Variants in FAM114A2 observed in about 807,000 individuals in gnomAD.
The protein encoded by FAM114A2 is protein FAM114A2.
Under a neutral mutation model 58.4 loss-of-function variants are expected in FAM114A2, and 53 were observed. The ratio of observed to expected loss-of-function variants is 0.91; its 90% confidence interval spans 0.73 to 1.14. The LOEUF (loss-of-function observed/expected upper bound fraction) is 1.14. Ranked by LOEUF, FAM114A2 falls within the 50% of genes most tolerant of loss-of-function variation. FAM114A2 has a pLI of 0.00. For missense variants in FAM114A2, 601 were observed against 581.1 expected, an observed-to-expected ratio of 1.03 and a Z score of -0.35; for synonymous variants, 228 against 211.4, an observed-to-expected ratio of 1.08 and a Z score of -0.68.
intron 4 of FAM114A2, among the ~76,000 whole-genome samples, chr5:154,030,416 C>T (rs1443569052): frequency 1.3e-5 from 2 of 152,314 alleles, no homozygotes; most frequent in East Asian, 3.9e-4. Flanking sequence ...ATATGACCTC[C>T]TGCCACAACA....
chr5:154,025,586 G>A (rs1414234260), intron 8 of FAM114A2, among the ~76,000 whole-genome samples: 1 of 152,054 alleles, frequency 6.6e-6, no homozygotes, highest in Non-Finnish European at 1.5e-5. Flanking sequence ...TACTACATGG[G>A]TGATTGGCCC....
intron 4 of FAM114A2, among the ~76,000 whole-genome samples, chr5:154,031,139 T>C (rs1327449684): frequency 6.6e-6 from 1 of 151,244 alleles, no homozygotes; most frequent in Admixed American, 6.6e-5. Flanking sequence ...CAGCAAAACC[T>C]CACCTCTATT....
At chr5:154,034,723 T>G (rs1772429802) in intron 2 of FAM114A2, 21 bp downstream of exon 2, 2 of 1,555,750 alleles carry the variant, frequency 1.3e-6, no homozygotes, top group Admixed American at 3.4e-5. Context: ...GATACCCTAC[T>G]TTTTCTGTGG....
At chr5:154,003,081 G>T (rs1770105596) in intron 9 of FAM114A2, 112 bp from the exon 10 acceptor site, 4 of 854,144 alleles carry the variant, frequency 4.7e-6, no homozygotes, top group Non-Finnish European at 7.5e-6. Flanking sequence ...GTTCTTACCT[G>T]AACGTACCAT....
intron 4 of FAM114A2, among the ~76,000 whole-genome samples, chr5:154,032,728 C>G (rs1030956514): frequency 6.6e-6 from 1 of 152,146 alleles, no homozygotes; most frequent in Middle Eastern, 3.2e-3. Flanking sequence ...TTTTAGAACA[C>G]TATACTTGGA....
intron 8 of FAM114A2, among the ~76,000 whole-genome samples, chr5:154,013,405 T>TA (rs1330266803): frequency 6.6e-6 from 1 of 152,164 alleles, no homozygotes; most frequent in Admixed American, 6.6e-5. Context: ...ACCACTTTTT[T>TA]AAAAAACAGC....
chr5:154,026,785 T>A (rs1037980759), intron 7 of FAM114A2, among the ~76,000 whole-genome samples: 15 of 151,354 alleles, frequency 9.9e-5, no homozygotes, highest in Admixed American at 4.6e-4. Context: ...AACAAAAAAA[T>A]TAGATAATCT....
chr5:154,008,311 T>G (rs1298879922), intron 9 of FAM114A2, among the ~76,000 whole-genome samples: 4 of 152,130 alleles, frequency 2.6e-5, no homozygotes, highest in Non-Finnish European at 5.9e-5. Flanking sequence ...AGTTTGATTT[T>G]TGGAAGCGTA....
intron 1 of FAM114A2, 78 bp from the exon 2 acceptor site, chr5:154,035,045 G>C: frequency 1.3e-6 from 1 of 785,998 alleles, no homozygotes; most frequent in Non-Finnish European, 2.0e-6. Flanking sequence ...TTTAGTTTGA[G>C]ATTATCATAG....
intron 9 of FAM114A2, among the ~76,000 whole-genome samples, chr5:154,005,386 A>G (rs1025965243): frequency 6.6e-6 from 1 of 152,184 alleles, no homozygotes; most frequent in Admixed American, 6.5e-5. Flanking sequence ...TTAAAAAGTA[A>G]CCCAAGCCAG....
At position 153,990,521 on chromosome 5, in the gene FAM114A2, C is replaced by G. The variant is rs1769213190; in HGVS notation, c.*2455G>C. On this transcript the variant is annotated 3_prime_UTR_variant, in exon 14 of 14. Transcript: ENST00000351797. ...GCTTAAAAAAAAAAAAAAAAACTAT[C>G]AAAAGCAAGTAAGGAAAATATAGCT... is the stretch of plus-strand genomic sequence containing the variant. 6.7e-6 allele frequency: 1 copy of G among 148,368 alleles called. No individual in the cohort carries two copies. The highest frequency in any genetic ancestry group is 2.5e-5 in the African/African-American group (1 of 40,462). The allele number at this position is 148,368 out of a possible 1,614,324, so 9.2% of individuals were successfully genotyped here.
At chr5:153,997,016 A>T (rs1030779645) in intron 12 of FAM114A2, among the ~76,000 whole-genome samples, 4 of 151,386 alleles carry the variant, frequency 2.6e-5, no homozygotes, top group African/African-American at 9.7e-5. Flanking sequence ...AAAAAGAAAG[A>T]AAGAAAAAAA....
chr5:154,018,555 T>C lies in FAM114A2; in HGVS notation c.914-7235A>G, dbSNP rs577326638. On this transcript the variant is annotated intron_variant, in intron 8 of 13. Transcript: ENST00000351797. The stretch of plus-strand genomic sequence containing the variant: ...AGAGGGAACCCTCACTAAATCATTC[T>C]ATGAAGCCAGTATCATCCTAATTCC... 2.0e-5 allele frequency among the ~76,000 whole-genome samples: 3 copies of C among 152,262 alleles called. No individual in the cohort carries two copies. In the South Asian group the frequency reaches 6.2e-4, roughly 32 times the overall value.
At chr5:154,021,401 T>C (rs1030139119) in intron 8 of FAM114A2, among the ~76,000 whole-genome samples, 8 of 152,176 alleles carry the variant, frequency 5.3e-5, no homozygotes, top group Admixed American at 1.3e-4. Context: ...GAAAACCCCA[T>C]TGTCTCAGCC....
intron 9 of FAM114A2, among the ~76,000 whole-genome samples, chr5:154,003,406 T>G (rs1217550597): frequency 2.3e-4 from 35 of 152,286 alleles, no homozygotes; most frequent in Non-Finnish European, 1.0e-4. Context: ...CTCGAACTCC[T>G]GACCTCAGGT....
chr5:154,021,332 G>A (rs1345322190), intron 8 of FAM114A2, among the ~76,000 whole-genome samples: 9 of 152,118 alleles, frequency 5.9e-5, no homozygotes, highest in East Asian at 1.9e-4. Context: ...AAGGGTATTC[G>A]ACTAGGAAAA....
In FAM114A2 at chr5:153,990,551, C is replaced by G. The variant is rs796763998; in HGVS notation, c.*2425G>C. 134 of 151,234 alleles carry G rather than the reference C, an allele frequency of 8.9e-4. 1 individual carries two copies. The highest frequency in any genetic ancestry group is 3.2e-3 in the African/African-American group (131 of 41,274). The allele number at this position is 151,234 out of a possible 1,614,324, so 9.4% of individuals were successfully genotyped here. A position where few individuals can be genotyped will look rare whatever the true frequency, so the allele number is the denominator to read the frequency against. On this transcript the variant is annotated 3_prime_UTR_variant, in exon 14 of 14. Transcript: ENST00000351797. ...GCAAGTAAGGAAAATATAGCTTGTC[C>G]TTAACACATTTCTAAGGTATTATGC...
chr5:153,995,447 A>C (rs1769493834), intron 12 of FAM114A2: 1 of 152,364 alleles, frequency 6.6e-6, no homozygotes, highest in African/African-American at 2.4e-5. Context: ...TTGTAAGATT[A>C]ACTTCAGGAA....
intron 8 of FAM114A2, among the ~76,000 whole-genome samples, chr5:154,016,089 A>G (rs1455255844): frequency 1.3e-5 from 2 of 152,172 alleles, no homozygotes; most frequent in African/African-American, 4.8e-5. Flanking sequence ...AAAAGAAAAT[A>G]TGAACAAAGC....
Sources: gnomAD v4.1 joint callset for allele counts (sites outside exome capture counted in the v4.1 genomes callset) on GRCh38, gnomAD v4.1.1 for gene constraint, MANE v1.5 for transcripts, NCBI Gene and HGNC (gene_info 2026-07-23, HGNC 2026-07-21) for gene names.